SUSD1: variants seen among roughly 807,000 people sequenced by gnomAD.
SUSD1 encodes sushi domain-containing protein 1.
SUSD1 carries 65 observed loss-of-function variants against 86.9 expected under a neutral mutation model. The observed-to-expected ratio is 0.75, with a 90% confidence interval of 0.61 to 0.92. The LOEUF (loss-of-function observed/expected upper bound fraction) is 0.92. SUSD1 is among the 40% of genes least tolerant of loss of function. The pLI is 0.00. For synonymous variants in SUSD1, 346 were observed against 350.0 expected, an observed-to-expected ratio of 0.99 and a Z score of 0.13; for missense variants, 850 against 929.7, an observed-to-expected ratio of 0.91 and a Z score of 1.11.
At chr9:112,146,140 A>T (rs1832799749) in intron 3 of SUSD1, 1 of 152,104 alleles carries the variant, frequency 6.6e-6, no homozygotes, top group African/African-American at 2.4e-5. Flanking sequence ...TGCCCCAGCT[A>T]AAGCCCGCTG....
intron 5 of SUSD1, among the ~76,000 whole-genome samples, chr9:112,136,315 C>T (rs1422004435): frequency 6.6e-6 from 1 of 152,092 alleles, no homozygotes; most frequent in East Asian, 1.9e-4. Context: ...CTCACTGTAA[C>T]CTTGAACTCC....
chr9:112,111,986 G>T, intron 7 of SUSD1, 146 bp from the exon 8 acceptor site: 1 of 736,392 alleles, frequency 1.4e-6, no homozygotes, highest in Non-Finnish European at 2.2e-6. Context: ...CTGGTCTGCT[G>T]ATAAAGTCTG....
intron 13 of SUSD1, among the ~76,000 whole-genome samples, chr9:112,060,786 C>T (rs914360680): frequency 6.6e-6 from 1 of 152,216 alleles, no homozygotes; most frequent in Non-Finnish European, 1.5e-5. Flanking sequence ...ACATCATAGC[C>T]ACAGGTAAGA....
intron 5 of SUSD1, among the ~76,000 whole-genome samples, chr9:112,134,592 A>G (rs781955): frequency 0.46 from 70,050 of 151,830 alleles, 16,930 homozygotes; most frequent in African/African-American, 0.61. Flanking sequence ...CGACAGACAT[A>G]GAGGACAAAT....
chr9:112,049,912 T>C (rs1828116317), intron 15 of SUSD1, among the ~76,000 whole-genome samples: 1 of 152,206 alleles, frequency 6.6e-6, no homozygotes, highest in African/African-American at 2.4e-5. Flanking sequence ...CAAAGCCACT[T>C]AGATATTTTC....
rs189824674 is a variant in SUSD1 at position 112,061,090 on chromosome 9, C to G, written c.1850+1847G>C. Among the ~76,000 whole-genome samples, 291 of 152,268 alleles carry G rather than the reference C, an allele frequency of 1.9e-3. 1 individual carries two copies. Among genetic ancestry groups the G allele is most frequent in the Non-Finnish European group, 2.8e-3 (192 of 68,016 alleles). On this transcript the variant is annotated intron_variant, in intron 13 of 16. Transcript: ENST00000374270. The stretch of plus-strand genomic sequence containing the variant: ...GGGAATCTGTATCGCTGGTAAAGCT[C>G]CCAGGTGATTCCTATAATCTGGCAA...
At chr9:112,173,825 G>T (rs1834151297) in intron 1 of SUSD1, 1 of 273,996 alleles carries the variant, frequency 3.6e-6, no homozygotes, top group Non-Finnish European at 7.5e-6. Flanking sequence ...CCCTCTTATT[G>T]TGCTTCTTGG....
chr9:112,167,525 C>A (rs1297158926), intron 1 of SUSD1, among the ~76,000 whole-genome samples: 1 of 152,160 alleles, frequency 6.6e-6, no homozygotes, highest in Non-Finnish European at 1.5e-5. Context: ...ATATTTATAT[C>A]CATTTCCACA....
intron 8 of SUSD1, among the ~76,000 whole-genome samples, chr9:112,108,774 C>CAAAAAAAAAAAAAAAAAAAAAAAAAAAA (rs11312103): frequency 1.5e-5 from 1 of 68,604 alleles, no homozygotes; most frequent in Non-Finnish European, 3.1e-5. Flanking sequence ...CTGGGTGTCT[C>CAAAAAAAAAAAAAAAAAAAAAAAAAAAA]AAAAAAAAAA....
In SUSD1 at chr9:112,165,922, A is replaced by AC. The variant is rs781355586; in HGVS notation, c.104-8310_104-8309insG. Among the ~76,000 whole-genome samples, 5 of 79,870 alleles carry AC rather than the reference A, an allele frequency of 6.3e-5. No individual in the cohort carries two copies. The East Asian group carries it at 1.7e-3, about 28-fold the overall frequency. The allele number at this position is 79,870 out of a possible 152,430, so 52.4% of individuals were successfully genotyped here. ...GAAAGGAAGGAAGGAAGGAAGAAAG[A>AC]AAAGAAAGAAAGAAAGAAAGAAGAA... On this transcript the variant is annotated intron_variant, in intron 1 of 16. Coordinates refer to ENST00000374270, the MANE Select transcript of SUSD1 (RefSeq NM_022486.5).
At chr9:112,093,160 C>T (rs1830268255) in intron 10 of SUSD1, among the ~76,000 whole-genome samples, 1 of 152,176 alleles carries the variant, frequency 6.6e-6, no homozygotes, top group Admixed American at 6.5e-5. Context: ...CTTTCCAATT[C>T]CATAAGGGAA....
At position 112,148,898 on chromosome 9, in the gene SUSD1, C is replaced by A. The variant is rs1210740709; in HGVS notation, c.373+346G>T. ...TCCAGCCTGGGCAACAGAGTGAGAC[C>A]CCCCCCTTAAAAAAAAAAAAGTTCA... is the stretch of plus-strand genomic sequence containing the variant. On this transcript the variant is annotated intron_variant, in intron 3 of 16. Transcript: ENST00000374270. Among the ~76,000 whole-genome samples the A allele has an allele frequency of 5.1e-5, 7 of 138,422 alleles. No homozygotes were observed. The South Asian group carries it at 8.7e-4, about 17-fold the overall frequency. 90.8% of individuals were successfully genotyped at this position (138,422 alleles called of 152,430 possible). A position where few individuals can be genotyped will look rare whatever the true frequency, so the allele number is the denominator to read the frequency against.
rs370702051 is a variant in SUSD1, at chr9:112,131,991, T to A, written c.707-7555A>T. Among the ~76,000 whole-genome samples, 4 of 152,212 alleles carry A rather than the reference T, an allele frequency of 2.6e-5. No individual in the cohort carries two copies. In the East Asian group the frequency reaches 5.8e-4, roughly 22 times the overall value. ...GGCCAAATTTATAATATAACTTATA[T>A]CTCATATCTTGAAGATAAAAATGTT... is the stretch of plus-strand genomic sequence containing the variant. On this transcript the variant is annotated intron_variant, in intron 5 of 16. Coordinates refer to ENST00000374270, the MANE Select transcript of SUSD1 (RefSeq NM_022486.5).
At chr9:112,074,011 G>C (rs1043896185) in intron 12 of SUSD1, among the ~76,000 whole-genome samples, 2 of 152,188 alleles carry the variant, frequency 1.3e-5, no homozygotes, top group African/African-American at 4.8e-5. Flanking sequence ...AAGGCCAGGA[G>C]TTCAAGATCA....
In SUSD1 at chr9:112,086,822, AAAAC is replaced by A. The variant is rs1007352466; in HGVS notation, c.1475-6661_1475-6658del. On this transcript the variant is annotated intron_variant, in intron 10 of 16. Transcript: ENST00000374270. ...TACATGATTCATGCCCAGTCTTATC[AAAAC>A]AAACAAACAAACAAACAAAAAAAAC... Among the ~76,000 whole-genome samples, 51 of 148,674 alleles carry A rather than the reference AAAAC, an allele frequency of 3.4e-4. 1 individual carries two copies. Among genetic ancestry groups the A allele is most frequent in the Admixed American group, 2.1e-3 (32 of 15,090 alleles).
chr9:112,049,546 G>A lies in SUSD1; in HGVS notation c.2149+2853C>T, dbSNP rs558233259. 3.9e-5 allele frequency among the ~76,000 whole-genome samples: 6 copies of A among 152,316 alleles called. No homozygotes were observed. In the South Asian group the frequency reaches 1.2e-3, roughly 32 times the overall value. On this transcript the variant is annotated intron_variant, in intron 15 of 16. Coordinates refer to ENST00000374270, the MANE Select transcript of SUSD1 (RefSeq NM_022486.5). ...GATCATCTTTACAAAGCTCTTCTAG[G>A]GGCAATATGCAAAAGGTAAATAGCA... is the stretch of plus-strand genomic sequence containing the variant.
chr9:112,042,149 A>T (rs1480379615), intron 15 of SUSD1, 189 bp from the exon 16 acceptor site: 1 of 1,538,400 alleles, frequency 6.5e-7, no homozygotes, highest in Admixed American at 2.0e-5. Context: ...TCAGGAAATT[A>T]CAGTTACAAG....
intron 14 of SUSD1, among the ~76,000 whole-genome samples, chr9:112,055,545 A>G (rs149392949): frequency 1.2e-3 from 183 of 152,326 alleles, no homozygotes; most frequent in African/African-American, 4.3e-3. Context: ...TGGAAGCCCT[A>G]CGCACTGCTG....
intron 12 of SUSD1, among the ~76,000 whole-genome samples, chr9:112,076,592 T>C (rs1298845851): frequency 6.6e-6 from 1 of 152,014 alleles, no homozygotes; most frequent in Non-Finnish European, 1.5e-5. Context: ...GTGTAGAAGT[T>C]GGGTGGATAT....
Sources: gnomAD v4.1 joint callset for allele counts (sites outside exome capture counted in the v4.1 genomes callset) on GRCh38, gnomAD v4.1.1 for gene constraint, MANE v1.5 for transcripts, NCBI Gene and HGNC (gene_info 2026-07-23, HGNC 2026-07-21) for gene names.